SLC29A3: variants seen among roughly 807,000 people sequenced by gnomAD.
SLC29A3 encodes the protein equilibrative nucleoside transporter 3.
In SLC29A3, 18 loss-of-function variants were observed where a neutral mutation model predicts 25.4. The ratio of observed to expected loss-of-function variants is 0.71; its 90% CI spans 0.49 to 1.05. The LOEUF is 1.05. Ranked by LOEUF, SLC29A3 falls within the 50% of genes least tolerant of loss-of-function variation. The pLI, the probability that SLC29A3 is intolerant of heterozygous loss-of-function variation, is 0.00. For synonymous variants in SLC29A3, 258 were observed against 267.1 expected, an observed-to-expected ratio of 0.97 and a Z score of 0.33; for missense variants, 586 against 609.0, an observed-to-expected ratio of 0.96 and a Z score of 0.40.
At chr10:71,354,019 G>A (rs531202943) in intron 4 of SLC29A3, among the ~76,000 whole-genome samples, 11 of 152,162 alleles carry the variant, frequency 7.2e-5, no homozygotes, top group South Asian at 2.1e-4. Flanking sequence ...CCCAGTTCTT[G>A]CAAAATGTCT....
chr10:71,330,075 C>A (rs890287868), intron 2 of SLC29A3, among the ~76,000 whole-genome samples: 1 of 152,236 alleles, frequency 6.6e-6, no homozygotes, highest in Non-Finnish European at 1.5e-5. Context: ...TGGGCTTGAG[C>A]TCCACCCGCA....
intron 3 of SLC29A3, among the ~76,000 whole-genome samples, chr10:71,351,041 G>C (rs1846742979): frequency 1.3e-5 from 2 of 152,252 alleles, no homozygotes; most frequent in African/African-American, 4.8e-5. Flanking sequence ...TGACGACGAT[G>C]ATTTTCTTTC....
At chr10:71,370,100 G>A (rs10999788) in intron 3 of SLC29A3, among the ~76,000 whole-genome samples, 4,398 of 152,180 alleles carry the variant, frequency 0.029, 216 homozygotes, top group African/African-American at 0.098. Flanking sequence ...AATACCCAAG[G>A]CTGCAGATGT....
rs79801190 is a variant in SLC29A3 at position 71,325,039 on chromosome 10, C to G, written c.300+1985C>G. Among the ~76,000 whole-genome samples, 617 of 152,236 alleles carry G rather than the reference C, an allele frequency of 4.1e-3. 22 individuals carry two copies. In the East Asian group the frequency reaches 0.076, roughly 19 times the overall value. Reference sequence around the variant, plus strand: ...AGGCAAGGGCTTCTCCGACAAATGCCGAGATGAGATGTTGCCAGCTGCCCA... The same window carrying G: ...AGGCAAGGGCTTCTCCGACAAATGCGGAGATGAGATGTTGCCAGCTGCCCA... On this transcript the variant is annotated intron_variant, in intron 2 of 5. Coordinates refer to ENST00000373189, the MANE Select transcript of SLC29A3 (RefSeq NM_018344.6).
intron 2 of SLC29A3, among the ~76,000 whole-genome samples, chr10:71,336,983 C>T (rs910326293): frequency 6.6e-6 from 1 of 152,136 alleles, no homozygotes; most frequent in Non-Finnish European, 1.5e-5. Flanking sequence ...CAGATGGGGA[C>T]CCTCTTCCTT....
chr10:71,322,386 C>T (rs541573802), intron 1 of SLC29A3, among the ~76,000 whole-genome samples: 1 of 152,352 alleles, frequency 6.6e-6, no homozygotes, highest in Non-Finnish European at 1.5e-5. Context: ...TATGGCTGCA[C>T]AGAACTGTGA....
intron 3 of SLC29A3, among the ~76,000 whole-genome samples, chr10:71,348,280 A>G (rs1846650418): frequency 6.6e-6 from 1 of 152,238 alleles, no homozygotes; most frequent in South Asian, 2.1e-4. Flanking sequence ...TCTTGCCCCA[A>G]GGAACTGGTT....
At chr10:71,336,055 A>G (rs541099094) in intron 2 of SLC29A3, among the ~76,000 whole-genome samples, 12 of 152,186 alleles carry the variant, frequency 7.9e-5, no homozygotes, top group Non-Finnish European at 1.6e-4. Context: ...ACCAAGTACC[A>G]CAAACTGGGT....
At chr10:71,319,706 C>G (rs1331241502) in intron 1 of SLC29A3, 2 of 203,550 alleles carry the variant, frequency 9.8e-6, no homozygotes, top group Non-Finnish European at 2.0e-5. Flanking sequence ...AGGCGGTGCC[C>G]TGCGCTTCCC....
chr10:71,326,465 C>T (rs1353260885), intron 2 of SLC29A3, among the ~76,000 whole-genome samples: 4 of 152,206 alleles, frequency 2.6e-5, no homozygotes, highest in African/African-American at 4.8e-5. Context: ...CTTTACAATC[C>T]GCTTTTATTT....
At chr10:71,356,818 G>A (rs568449899) in intron 5 of SLC29A3, among the ~76,000 whole-genome samples, 1 of 152,116 alleles carries the variant, frequency 6.6e-6, no homozygotes, top group African/African-American at 2.4e-5. Context: ...GCAAGACCCT[G>A]TCTCTCTGAA....
rs745763781 is a variant in SLC29A3, at chr10:71,323,024, C to T, written c.270C>T (p.Thr90=). ...FKLRNSSSPA[T]GEDPEGSDIL... Reference sequence around the variant, plus strand: ...TCCGCAACTCCTCCAGCCCAGCCACCGGGGAGGACCCTGAGGGCTCAGACA... The same window carrying T: ...TCCGCAACTCCTCCAGCCCAGCCACTGGGGAGGACCCTGAGGGCTCAGACA... Residue 90 remains threonine (T), a synonymous_variant, in exon 2 of 6, where the codon ACC becomes ACT. Coordinates refer to ENST00000373189, the MANE Select transcript of SLC29A3 (RefSeq NM_018344.6). 31 of 1,613,630 alleles carry T rather than the reference C, an allele frequency of 1.9e-5. No homozygotes were observed. Among genetic ancestry groups the T allele is most frequent in the African/African-American group, 5.3e-5 (4 of 74,942 alleles).
intron 3 of SLC29A3, among the ~76,000 whole-genome samples, chr10:71,349,405 A>G (rs1846686546): frequency 6.6e-6 from 1 of 152,122 alleles, no homozygotes; most frequent in Non-Finnish European, 1.5e-5. Flanking sequence ...CCCCAGACAC[A>G]GTCTCGGCAG....
intron 3 of SLC29A3, among the ~76,000 whole-genome samples, chr10:71,373,566 T>G (rs1470380996): frequency 6.6e-6 from 1 of 152,212 alleles, no homozygotes; most frequent in Non-Finnish European, 1.5e-5. Flanking sequence ...GCCTCGACAT[T>G]CTGATCCTGT....
intron 2 of SLC29A3, among the ~76,000 whole-genome samples, chr10:71,341,755 G>T (rs1589230795): frequency 1.3e-5 from 2 of 152,354 alleles, no homozygotes; most frequent in African/African-American, 4.8e-5. Context: ...GCCTGAATTT[G>T]CACAAGGCTG....
At chr10:71,373,656 C>T (rs1847228329) in intron 3 of SLC29A3, among the ~76,000 whole-genome samples, 1 of 152,198 alleles carries the variant, frequency 6.6e-6, no homozygotes, top group Non-Finnish European at 1.5e-5. Context: ...ATTTGCACCC[C>T]ATCCTATGGG....
chr10:71,337,334 G>A (rs1467191147), intron 2 of SLC29A3, among the ~76,000 whole-genome samples: 1 of 152,234 alleles, frequency 6.6e-6, no homozygotes, highest in African/African-American at 2.4e-5. Context: ...CTGGGCTGAT[G>A]CCCAGGGCAA....
At chr10:71,352,743 C>T in intron 4 of SLC29A3, 1 of 152,368 alleles carries the variant, frequency 6.6e-6, no homozygotes, top group Non-Finnish European at 1.5e-5. Flanking sequence ...TGTTGATGAG[C>T]CTGTTCCGGA....
At chr10:71,369,374 A>G (rs1002759746) in intron 3 of SLC29A3, among the ~76,000 whole-genome samples, 3 of 152,214 alleles carry the variant, frequency 2.0e-5, no homozygotes, top group African/African-American at 7.2e-5. Context: ...GTGATGAAAC[A>G]AGATGTTTAG....
Sources: allele counts gnomAD v4.1 joint callset (sites outside exome capture counted in the v4.1 genomes callset), GRCh38; gene constraint gnomAD v4.1.1; transcripts MANE v1.5; gene names NCBI Gene and HGNC (gene_info 2026-07-23, HGNC 2026-07-21).